Variants in ARHGAP8 observed in about 807,000 individuals in gnomAD.
The protein encoded by ARHGAP8 is rho GTPase-activating protein 8.
ARHGAP8 carries 62 observed loss-of-function variants against 46.1 expected under a neutral mutation model. That is an observed-to-expected ratio of 1.34 (90% CI 1.10 to 1.66). ARHGAP8 has a LOEUF of 1.66. ARHGAP8 is among the 40% of genes most tolerant of loss of function. The probability of loss-of-function intolerance (pLI) is 0.00; values close to 1 mark genes in which losing one functional copy is unlikely to be tolerated. For missense variants in ARHGAP8, 923 were observed against 568.4 expected (o/e 1.62, Z -6.34); for synonymous variants, 375 against 243.1 (o/e 1.54, Z -5.05).
chr22:44,760,469 T>TTGCCTAAGCTTCCTAAGCTTCCTAAGC (rs1352052390), intron 1 of ARHGAP8, among the ~76,000 whole-genome samples: 1 of 152,118 alleles, frequency 6.6e-6, no homozygotes, highest in Non-Finnish European at 1.5e-5. Context: ...CTGGGTGGCA[T>TTGCCTAAGCTTCCTAAGCTTCCTAAGC]CAAACTCATT....
chr22:44,789,684 A>G (rs1227586961), intron 2 of ARHGAP8, among the ~76,000 whole-genome samples: 1 of 151,664 alleles, frequency 6.6e-6, no homozygotes, highest in Non-Finnish European at 1.5e-5. Context: ...GTTTTTTTGT[A>G]GAGACAGGGT....
chr22:44,846,535 C>G (rs1319428317), intron 8 of ARHGAP8, among the ~76,000 whole-genome samples: 7 of 152,214 alleles, frequency 4.6e-5, no homozygotes, highest in African/African-American at 1.7e-4. Flanking sequence ...CGATGCTCAG[C>G]TGGCAGGTGA....
At chr22:44,846,653 C>G (rs2069964046) in intron 8 of ARHGAP8, among the ~76,000 whole-genome samples, 1 of 152,160 alleles carries the variant, frequency 6.6e-6, no homozygotes, top group Non-Finnish European at 1.5e-5. Context: ...TCCGGAAGCC[C>G]TCTCCAATTC....
At chr22:44,856,179 T>C (rs879627110) in intron 10 of ARHGAP8, among the ~76,000 whole-genome samples, 12 of 151,320 alleles carry the variant, frequency 7.9e-5, no homozygotes, top group Non-Finnish European at 5.9e-5. Flanking sequence ...TACATTTCAA[T>C]GTGAGGTTTA....
intron 10 of ARHGAP8, among the ~76,000 whole-genome samples, chr22:44,859,053 C>G (rs145632522): frequency 2.0e-5 from 3 of 151,432 alleles, no homozygotes; most frequent in Admixed American, 2.0e-4. Flanking sequence ...AGATCTAAGC[C>G]ATGGGCCGTA....
rs747197900 is a variant in ARHGAP8, at chr22:44,862,356, C to A, written c.1063C>A (p.Gln355Lys). 6.2e-7 allele frequency: 1 copy of A among 1,614,124 alleles called. No individual in the cohort carries two copies. The highest frequency in any genetic ancestry group is 8.5e-7 in the Non-Finnish European group (1 of 1,179,996). The change falls in exon 12 of 12, where the codon CAG becomes AAG. Residue 355 changes from glutamine to lysine, a missense_variant. Physicochemically the swap from Gln to Lys is moderately conservative, Grantham distance 53 (BLOSUM62 1). Transcript: ENST00000356099. ...VFGLNLIWPS[Q>K]GVSSLSALVP... Reference sequence around the variant, plus strand: ...CGGGCTGAATTTGATCTGGCCATCCCAGGGGGTCTCCTCCCTGAGTGCCCT... The same window carrying A: ...CGGGCTGAATTTGATCTGGCCATCCAAGGGGGTCTCCTCCCTGAGTGCCCT...
intron 2 of ARHGAP8, among the ~76,000 whole-genome samples, chr22:44,787,225 T>C (rs1927323413): frequency 6.6e-6 from 1 of 152,168 alleles, no homozygotes; most frequent in Non-Finnish European, 1.5e-5. Flanking sequence ...TCAAGGGCAC[T>C]GTTATGTCTC....
At position 44,862,147 on chromosome 22, in the gene ARHGAP8, T is replaced by G. The variant is rs1036984455; in HGVS notation, c.982-128T>G. The G allele has an allele frequency of 2.6e-5, 30 of 1,162,206 alleles. No individual in the cohort carries two copies. In the Middle Eastern group the frequency reaches 8.7e-4, roughly 34 times the overall value. 72.0% of individuals were successfully genotyped at this position (1,162,206 alleles called of 1,614,324 possible). ...GGTGGCTGCACAGGGTCCCCATTAC[T>G]GGCTGCCGGCTCCCAGTCCAGTGCT... On this transcript the variant is annotated intron_variant, in intron 11 of 11. Transcript: ENST00000356099.
At chr22:44,818,530 G>A (rs112482865) in intron 5 of ARHGAP8, among the ~76,000 whole-genome samples, 3 of 151,648 alleles carry the variant, frequency 2.0e-5, no homozygotes, top group South Asian at 2.1e-4. Context: ...GCCTGGGCTC[G>A]ACTGCTCTGC....
At chr22:44,860,830 C>T (rs560630350) in intron 11 of ARHGAP8, among the ~76,000 whole-genome samples, 95 of 152,298 alleles carry the variant, frequency 6.2e-4, no homozygotes, top group African/African-American at 2.1e-3. Flanking sequence ...TGTTTAACCC[C>T]CTCCATCTCT....
At chr22:44,806,954 T>A (rs1928968291) in intron 3 of ARHGAP8, among the ~76,000 whole-genome samples, 1 of 117,854 alleles carries the variant, frequency 8.5e-6, no homozygotes, top group South Asian at 2.7e-4. Context: ...ACAGACTCTG[T>A]CTCAAAAAAA....
In ARHGAP8 at chr22:44,859,831, T is replaced by C. The variant is rs183140201; in HGVS notation, c.978T>C (p.His326=). ...TCCGCTACCTCATGGGCTTCCTGCA[T>C]GCGGTGAGTGGGGAAGGGGGGAGCT... is the stretch of plus-strand genomic sequence containing the variant. ...VVLRYLMGFL[H]AVSRESIFNK... The change falls in exon 11 of 12, where the codon CAT becomes CAC. Residue 326 remains histidine, a synonymous_variant. Coordinates refer to ENST00000356099, the MANE Select transcript of ARHGAP8 (RefSeq NM_181335.3). The C allele has an allele frequency of 4.2e-5, 68 of 1,613,458 alleles. 1 individual carries two copies. In the Middle Eastern group the frequency reaches 6.6e-4, roughly 16 times the overall value.
intron 5 of ARHGAP8, among the ~76,000 whole-genome samples, chr22:44,817,073 A>T (rs901134357): frequency 6.6e-6 from 1 of 151,930 alleles, no homozygotes; most frequent in Non-Finnish European, 1.5e-5. Context: ...TTTAGTAGAG[A>T]CGGGGTTTCA....
intron 1 of ARHGAP8, among the ~76,000 whole-genome samples, chr22:44,775,779 C>T (rs1252652749): frequency 2.0e-5 from 3 of 152,078 alleles, no homozygotes; most frequent in Admixed American, 6.6e-5. Context: ...TTTTTAGTAC[C>T]TGAATTCTAT....
chr22:44,828,209 A>AT (rs1377833230), intron 7 of ARHGAP8, among the ~76,000 whole-genome samples: 1 of 152,126 alleles, frequency 6.6e-6, no homozygotes, highest in Non-Finnish European at 1.5e-5. Context: ...CACCCCAAAT[A>AT]TATCTGGAAC....
chr22:44,826,515 C>T (rs1420564350), intron 7 of ARHGAP8, among the ~76,000 whole-genome samples: 1 of 152,134 alleles, frequency 6.6e-6, no homozygotes, highest in Non-Finnish European at 1.5e-5. Flanking sequence ...ACCTCCGCCT[C>T]CTGGGTTCAA....
intron 3 of ARHGAP8, among the ~76,000 whole-genome samples, chr22:44,807,221 C>T (rs980527807): frequency 2.6e-5 from 4 of 152,148 alleles, no homozygotes; most frequent in African/African-American, 9.7e-5. Flanking sequence ...ATGGCCTGAC[C>T]GGCTCAGTGT....
chr22:44,771,614 G>T (rs1264850859), intron 1 of ARHGAP8, among the ~76,000 whole-genome samples: 2 of 150,340 alleles, frequency 1.3e-5, no homozygotes, highest in East Asian at 3.9e-4. Context: ...CAGTGCAATG[G>T]CGCAATCTCA....
rs1040665871 is a variant in ARHGAP8 at position 44,856,584 on chromosome 22, T to TG, written c.878-3143dup. ...CCACCGCGCCCGGCCTGTAAATTCT[T>TG]GGGGCTACATCCTGACCATTGGCTG... On this transcript the variant is annotated intron_variant, in intron 10 of 11. Transcript: ENST00000356099. 9.7e-4 allele frequency among the ~76,000 whole-genome samples: 107 copies of TG among 110,362 alleles called. 23 individuals carry two copies. Among genetic ancestry groups the TG allele is most frequent in the African/African-American group, 4.5e-3 (97 of 21,632 alleles). 72.4% of individuals were successfully genotyped at this position (110,362 alleles called of 152,430 possible).
Sources: allele counts gnomAD v4.1 joint callset (sites outside exome capture counted in the v4.1 genomes callset), GRCh38; gene constraint gnomAD v4.1.1; transcripts MANE v1.5; gene names NCBI Gene and HGNC (gene_info 2026-07-23, HGNC 2026-07-21).